The following THAP6 variants were observed in gnomAD, a reference collection of about 807,000 sequenced individuals.
The protein encoded by THAP6 is THAP domain containing 6.
Under a neutral mutation model 20.0 loss-of-function variants are expected in THAP6, and 13 were observed. That is an observed-to-expected ratio of 0.65 (90% CI 0.42 to 1.03). The LOEUF (loss-of-function observed/expected upper bound fraction) is 1.03, where lower values mean the gene tolerates loss of function less well. Ranked by LOEUF, THAP6 falls within the 50% of genes least tolerant of loss-of-function variation. THAP6 has a pLI of 0.00. For missense variants in THAP6, 262 were observed against 261.6 expected (o/e 1.00, Z -0.01); for synonymous variants, 93 against 92.2 (o/e 1.01, Z -0.05).
intron 3 of THAP6, among the ~76,000 whole-genome samples, chr4:75,518,786 T>C (rs1308832610): frequency 1.3e-5 from 2 of 152,246 alleles, no homozygotes; most frequent in East Asian, 3.8e-4. Context: ...GAATCCTACA[T>C]CTTCCAGAGA....
rs549891083 is a variant in THAP6, at chr4:75,516,719, A to G, written c.81-53A>G. On this transcript the variant is annotated intron_variant, in intron 2 of 4. Transcript: ENST00000311638. ...AGTTGTATAAGGCAGCTTTAATTCA[A>G]TTATATAGCAATAGTATTTGATTTT... 5.3e-6 allele frequency: 8 copies of G among 1,505,220 alleles called. No individual in the cohort carries two copies. In the South Asian group the frequency reaches 9.5e-5, roughly 18 times the overall value. 93.2% of individuals were successfully genotyped at this position (1,505,220 alleles called of 1,614,324 possible).
chr4:75,514,401 T>G, upstream of THAP6: 3 of 1,214,472 alleles, frequency 2.5e-6, no homozygotes, highest in East Asian at 2.6e-5. Flanking sequence ...CTAGCGACAA[T>G]ATGGCTCCTA....
At position 75,528,714 on chromosome 4, in the gene THAP6, A is replaced by G. The variant is rs1360066895; in HGVS notation, c.*1500A>G. 4.1e-6 allele frequency: 4 copies of G among 982,850 alleles called. No individual in the cohort carries two copies. Among genetic ancestry groups the G allele is most frequent in the Non-Finnish European group, 2.4e-6 (2 of 828,260 alleles). The allele number at this position is 982,850 out of a possible 1,614,324, so 60.9% of individuals were successfully genotyped here. On this transcript the variant is annotated 3_prime_UTR_variant, in exon 5 of 5. Coordinates refer to ENST00000311638, the MANE Select transcript of THAP6 (RefSeq NM_144721.6). ...ATGCTAAGAGGAAATCACTGAGGCC[A>G]TATCTTTTTACAATCTGAAAAAAAA...
At position 75,515,461 on chromosome 4, in the gene THAP6, A is replaced by G; in HGVS notation, c.9A>G (p.Lys3=). 1.2e-6 allele frequency: 2 copies of G among 1,613,852 alleles called. No individual in the cohort carries two copies. Among genetic ancestry groups the G allele is most frequent in the African/African-American group, 1.3e-5 (1 of 75,044 alleles). The change falls in exon 2 of 5, where the codon AAA becomes AAG. Residue 3 remains lysine, a synonymous_variant. Transcript: ENST00000311638. MV[K]CCSAIGCASR... ...TGTTATGAGTTGCTAAAATGGTGAA[A>G]TGCTGCTCCGCCATTGGATGTGCTT...
upstream of THAP6, chr4:75,514,350 G>A (rs980660499): frequency 1.3e-6 from 2 of 1,553,268 alleles, no homozygotes; most frequent in African/African-American, 2.7e-5. Context: ...GCCCAGAGAA[G>A]CTGCGCCTCT....
chr4:75,521,901 A>G, intron 4 of THAP6, 40 bp downstream of exon 4: 1 of 1,612,106 alleles, frequency 6.2e-7, no homozygotes, highest in Non-Finnish European at 8.5e-7. Flanking sequence ...AATTCTTTTA[A>G]GATGAATATG....
intron 3 of THAP6, chr4:75,544,466 T>C (rs1401718772): frequency 2.0e-5 from 3 of 152,154 alleles, no homozygotes; most frequent in Non-Finnish European, 2.9e-5. Context: ...GTGATTCTCA[T>C]GCTTCAGCCT....
chr4:75,525,562 A>G (rs1471091078), intron 4 of THAP6, among the ~76,000 whole-genome samples: 5 of 152,090 alleles, frequency 3.3e-5, no homozygotes, highest in African/African-American at 9.7e-5. Flanking sequence ...TAATTCTAAC[A>G]TTTGTGTCAG....
At chr4:75,540,048 T>G in intron 2 of THAP6, 1 of 1,410,598 alleles carries the variant, frequency 7.1e-7, no homozygotes, top group Non-Finnish European at 9.5e-7. Flanking sequence ...AGGGAAAATT[T>G]CAATCACCAT....
downstream of THAP6, among the ~76,000 whole-genome samples, chr4:75,531,994 C>T (rs1726695265): frequency 6.6e-6 from 1 of 152,154 alleles, no homozygotes; most frequent in Admixed American, 6.5e-5. Flanking sequence ...CCCAGCCCCT[C>T]CCAAATCTCA....
rs984635678 is a variant in THAP6, at chr4:75,528,879, T to C, written c.*1665T>C. 1.5e-6 allele frequency: 1 copy of C among 672,264 alleles called. No individual in the cohort carries two copies. Among genetic ancestry groups the C allele is most frequent in the Non-Finnish European group, 1.8e-6 (1 of 544,814 alleles). The allele number at this position is 672,264 out of a possible 1,614,324, so 41.6% of individuals were successfully genotyped here. ...GCCTGGCCAAGATGGTGAAACCCCA[T>C]CTCTGCTAAAAATACAAAAAAAAAT... On this transcript the variant is annotated 3_prime_UTR_variant, in exon 5 of 5. Transcript: ENST00000311638.
At chr4:75,535,295 T>C (rs1726819536) in intron 2 of THAP6, among the ~76,000 whole-genome samples, 1 of 152,210 alleles carries the variant, frequency 6.6e-6, no homozygotes, top group South Asian at 2.1e-4. Flanking sequence ...AAGCTATGCC[T>C]TTATACACTT....
intron 4 of THAP6, among the ~76,000 whole-genome samples, chr4:75,526,729 A>C (rs1363868706): frequency 2.0e-5 from 3 of 152,244 alleles, no homozygotes; most frequent in Non-Finnish European, 4.4e-5. Context: ...CTTCCCATCC[A>C]TAATATTCTG....
At chr4:75,522,138 G>A (rs185546054) in intron 4 of THAP6, 42 of 411,002 alleles carry the variant, frequency 1.0e-4, no homozygotes, top group East Asian at 1.1e-4. Context: ...TATAATTTCC[G>A]TATGAAATAT....
chr4:75,515,491 C>G lies in THAP6; in HGVS notation c.39C>G (p.Arg13=), dbSNP rs749246579. ...KCCSAIGCAS[R]CLPNSKLKGL... is the part of the protein sequence containing the mutation. Reference sequence around the variant, plus strand: ...GCTCCGCCATTGGATGTGCTTCTCGCTGCTTGCCAAATTCGAAGTTAAAAG... The same window carrying G: ...GCTCCGCCATTGGATGTGCTTCTCGGTGCTTGCCAAATTCGAAGTTAAAAG... The change falls in exon 2 of 5, where the codon CGC becomes CGG. Residue 13 remains arginine (R), a synonymous_variant. Transcript: ENST00000311638. 1.9e-6 allele frequency: 3 copies of G among 1,614,030 alleles called. No individual in the cohort carries two copies. In the South Asian group the frequency reaches 3.3e-5, roughly 18 times the overall value.
At position 75,529,669 on chromosome 4, in the gene THAP6, C is replaced by A; in HGVS notation, c.*2455C>A. On this transcript the variant is annotated 3_prime_UTR_variant, in exon 5 of 5. Transcript: ENST00000311638. ...GTGTAAAGCAAAACCCAAGTCATCC[C>A]CCTCCAGAAATTTCTCTGGCAGCCA... 3.0e-6 allele frequency: 3 copies of A among 985,476 alleles called. No individual in the cohort carries two copies. In the South Asian group the frequency reaches 1.4e-4, roughly 46 times the overall value. 61.0% of individuals were successfully genotyped at this position (985,476 alleles called of 1,614,324 possible).
downstream of THAP6, among the ~76,000 whole-genome samples, chr4:75,532,499 G>A (rs1345811374): frequency 6.6e-6 from 1 of 152,184 alleles, no homozygotes; most frequent in Non-Finnish European, 1.5e-5. Context: ...CTAGGGTCTG[G>A]AGGACGTTGG....
chr4:75,541,308 A>G (rs1012126133), intron 2 of THAP6, among the ~76,000 whole-genome samples: 1 of 152,158 alleles, frequency 6.6e-6, no homozygotes, highest in Non-Finnish European at 1.5e-5. Context: ...CCAATTCAAA[A>G]AGACATCAAT....
chr4:75,539,418 CTACAGGGACA>C (rs1224626071), intron 2 of THAP6, among the ~76,000 whole-genome samples: 1 of 152,150 alleles, frequency 6.6e-6, no homozygotes, highest in African/African-American at 2.4e-5. Context: ...CATTCACAAC[CTACAGGGACA>C]TACAAGTACA....
Sources: allele counts gnomAD v4.1 joint callset (sites outside exome capture counted in the v4.1 genomes callset), GRCh38; gene constraint gnomAD v4.1.1; transcripts MANE v1.5; gene names NCBI Gene and HGNC (gene_info 2026-07-23, HGNC 2026-07-21).